The following BRD10 variants were observed in gnomAD, a reference collection of about 807,000 sequenced individuals.
BRD10 encodes uncharacterized bromodomain-containing protein 10.
the BRD10 span, among the ~76,000 whole-genome samples, chr9:5,951,035 TACAC>T: frequency 0.11 from 15,986 of 141,578 alleles, 970 homozygotes; most frequent in African/African-American, 0.17. Context: ...GGGCTGACTG[TACAC>T]ACACACACAC....
chr9:5,904,842 G>T, the BRD10 span, among the ~76,000 whole-genome samples: 3 of 149,356 alleles, frequency 2.0e-5, no homozygotes, highest in African/African-American at 7.4e-5. Flanking sequence ...GGTATGATCT[G>T]GGCTCACTGC....
the BRD10 span, among the ~76,000 whole-genome samples, chr9:5,943,848 G>C: frequency 6.6e-6 from 1 of 151,928 alleles, no homozygotes; most frequent in African/African-American, 2.4e-5. Flanking sequence ...ATACTCTCAG[G>C]GTTATCTGTC....
chr9:5,882,965 C>T, the BRD10 span, among the ~76,000 whole-genome samples: 13 of 152,136 alleles, frequency 8.5e-5, no homozygotes, highest in African/African-American at 2.7e-4. Flanking sequence ...ACAATGAGAA[C>T]ACTTGGACAC....
the BRD10 span, among the ~76,000 whole-genome samples, chr9:5,960,575 A>G: frequency 4.0e-5 from 6 of 151,882 alleles, no homozygotes; most frequent in African/African-American, 1.4e-4. Context: ...AAAAAAAAAA[A>G]AAGAAAAGAA....
At chr9:5,954,520 G>C in the BRD10 span, among the ~76,000 whole-genome samples, 3 of 152,168 alleles carry the variant, frequency 2.0e-5, no homozygotes, top group African/African-American at 7.2e-5. Context: ...ATGGTCTCTA[G>C]CCAGCCTAAT....
chr9:5,947,913 G>GT, the BRD10 span, among the ~76,000 whole-genome samples: 11 of 152,062 alleles, frequency 7.2e-5, no homozygotes, highest in Non-Finnish European at 4.4e-5. Context: ...TTTGAAAAAC[G>GT]TATCTGAGGC....
chr9:5,929,528 CTT>C, the BRD10 span, among the ~76,000 whole-genome samples: 1 of 152,104 alleles, frequency 6.6e-6, no homozygotes, highest in African/African-American at 2.4e-5. Flanking sequence ...GTTACTGTAA[CTT>C]TCCCAAAGAC....
the BRD10 span, chr9:6,007,969 G>A: frequency 3.1e-6 from 4 of 1,296,940 alleles, no homozygotes; most frequent in South Asian, 2.4e-5. Flanking sequence ...ACCGCCGGCG[G>A]GGCGGGGTTA....
At chr9:5,957,508 G>A in the BRD10 span, among the ~76,000 whole-genome samples, 3 of 152,112 alleles carry the variant, frequency 2.0e-5, no homozygotes, top group African/African-American at 4.8e-5. Flanking sequence ...AACAGGTAAA[G>A]AAACTGATGG....
At chr9:5,943,136 C>G in the BRD10 span, among the ~76,000 whole-genome samples, 1 of 152,142 alleles carries the variant, frequency 6.6e-6, no homozygotes, top group Non-Finnish European at 1.5e-5. Flanking sequence ...CTCAGCCTCC[C>G]AAAGTGCTAA....
chr9:5,921,090 T>C, the BRD10 span: 191 of 1,613,794 alleles, frequency 1.2e-4, 1 homozygote, highest in Non-Finnish European at 1.6e-4. Context: ...ACAGGGGTAA[T>C]ATTCTGACTC....
the BRD10 span, among the ~76,000 whole-genome samples, chr9:5,940,712 G>T: frequency 4.6e-5 from 7 of 152,026 alleles, no homozygotes; most frequent in African/African-American, 1.7e-4. Context: ...GGACAAATGG[G>T]GAGAAAAGTT....
At chr9:5,897,172 T>C in the BRD10 span, among the ~76,000 whole-genome samples, 2 of 152,248 alleles carry the variant, frequency 1.3e-5, no homozygotes, top group African/African-American at 4.8e-5. Context: ...TTAATTTCTA[T>C]TTTCTCTTTG....
At chr9:5,950,263 T>A in the BRD10 span, among the ~76,000 whole-genome samples, 1 of 152,142 alleles carries the variant, frequency 6.6e-6, no homozygotes, top group African/African-American at 2.4e-5. Flanking sequence ...ATGCCATTTT[T>A]AATTGATTTT....
At chr9:5,882,011 T>G in the BRD10 span, among the ~76,000 whole-genome samples, 1 of 152,222 alleles carries the variant, frequency 6.6e-6, no homozygotes, top group Non-Finnish European at 1.5e-5. Flanking sequence ...AGTGGTAGGA[T>G]GAGAATATGA....
chr9:5,887,946 T>C, the BRD10 span, among the ~76,000 whole-genome samples: 1 of 152,194 alleles, frequency 6.6e-6, no homozygotes, highest in Admixed American at 6.5e-5. Context: ...CTTTGTTTTC[T>C]TTCTCCCTTA....
chr9:5,968,453 C>T, the BRD10 span: 1 of 1,611,836 alleles, frequency 6.2e-7, no homozygotes, highest in Admixed American at 1.7e-5. Context: ...CCCTGGACTC[C>T]TTGGTTTCTC....
chr9:5,890,240 A>C, the BRD10 span, among the ~76,000 whole-genome samples: 1 of 152,202 alleles, frequency 6.6e-6, no homozygotes, highest in Admixed American at 6.5e-5. Context: ...TGACATGGGC[A>C]CCTTACCTAT....
At chr9:5,989,226 C>T in the BRD10 span, among the ~76,000 whole-genome samples, 1 of 97,774 alleles carries the variant, frequency 1.0e-5, no homozygotes, top group African/African-American at 3.8e-5. Context: ...GAGAGAAACT[C>T]TGTCTCATTA....
Sources: gnomAD v4.1 joint callset for allele counts (sites outside exome capture counted in the v4.1 genomes callset) on GRCh38, gnomAD v4.1.1 for gene constraint, MANE v1.5 for transcripts, NCBI Gene and HGNC (gene_info 2026-07-23, HGNC 2026-07-21) for gene names.